LPIN2: variants seen among roughly 807,000 people sequenced by gnomAD.
LPIN2 encodes lipin 2.
LPIN2 carries 55 observed loss-of-function variants against 111.4 expected under a neutral mutation model. The ratio of observed to expected loss-of-function variants is 0.49; its 90% CI spans 0.40 to 0.62. LPIN2 has a LOEUF of 0.62. Ranked by LOEUF, LPIN2 falls within the 20% of genes least tolerant of loss-of-function variation. The pLI is 0.00. For synonymous variants in LPIN2, 425 were observed against 414.0 expected (o/e 1.03, Z -0.32); for missense variants, 992 against 1,112.1 (o/e 0.89, Z 1.54).
chr18:2,960,565 G>A (rs1403006617), intron 2 of LPIN2, 84 bp downstream of exon 2: 3 of 1,360,392 alleles, frequency 2.2e-6, no homozygotes, highest in African/African-American at 2.9e-5. Flanking sequence ...ATTCATAGAG[G>A]ATGACTTTTC....
At chr18:2,999,931 G>C (rs1011842717) in intron 1 of LPIN2, among the ~76,000 whole-genome samples, 18 of 152,072 alleles carry the variant, frequency 1.2e-4, no homozygotes, top group Admixed American at 3.3e-4. Flanking sequence ...GGTCTCACCT[G>C]TAATCCCAGC....
At chr18:2,953,984 A>G (rs2077575798) in intron 3 of LPIN2, among the ~76,000 whole-genome samples, 1 of 152,230 alleles carries the variant, frequency 6.6e-6, no homozygotes. Context: ...GAAGTCAAAC[A>G]TGTAATCACT....
chr18:2,976,264 T>C (rs938454731), intron 1 of LPIN2, among the ~76,000 whole-genome samples: 6 of 152,222 alleles, frequency 3.9e-5, no homozygotes, highest in African/African-American at 1.4e-4. Context: ...CTGTACCATA[T>C]TGTATCCTAG....
chr18:2,920,271 G>C lies in LPIN2; in HGVS notation c.*22C>G. The C allele has an allele frequency of 6.2e-7, 1 of 1,613,910 alleles. No homozygotes were observed. Among genetic ancestry groups the C allele is most frequent in the Non-Finnish European group, 8.5e-7 (1 of 1,179,990 alleles). On this transcript the variant is annotated 3_prime_UTR_variant, in exon 20 of 20. Coordinates refer to ENST00000677752, the MANE Select transcript of LPIN2 (RefSeq NM_001375808.2). ...GCTGTGGGGAGGGGGACCAAGCCCT[G>C]CCCACCCACTGAGGTGCCGCCTCAA... is the stretch of plus-strand genomic sequence containing the variant.
intron 4 of LPIN2, chr18:2,950,244 T>C (rs968739325): frequency 2.6e-5 from 4 of 152,238 alleles, no homozygotes; most frequent in African/African-American, 9.6e-5. Flanking sequence ...TGAAAGAAAT[T>C]ATTTCCCTCT....
At chr18:3,008,390 C>T (rs77815696) in intron 1 of LPIN2, among the ~76,000 whole-genome samples, 3,400 of 152,248 alleles carry the variant, frequency 0.022, 109 homozygotes, top group African/African-American at 0.077. Context: ...TGCAGTGAGC[C>T]GAGATTGCAC....
rs376661021 is a variant in LPIN2, at chr18:2,951,200, G to A, written c.445C>T (p.Pro149Ser). ...CGTTTTTTCTTTTTCACAGAACTTG[G>A]AGTAAAAATTGTCTCTGTTTCCAAG... ...HVLETETIFT[P>S]SSVKKKKRRR... The change falls in exon 4 of 20, where the codon CCA becomes TCA. Residue 149 changes from proline (P) to serine (S), a missense_variant. Pro to Ser is a moderately conservative substitution (Grantham distance 74). Coordinates refer to ENST00000677752, the MANE Select transcript of LPIN2 (RefSeq NM_001375808.2). 1 of 1,614,068 alleles carries A rather than the reference G, an allele frequency of 6.2e-7. No individual in the cohort carries two copies. The highest frequency in any genetic ancestry group is 1.1e-5 in the South Asian group (1 of 91,080).
At chr18:2,961,203 C>T (rs2077707346) in intron 1 of LPIN2, among the ~76,000 whole-genome samples, 2 of 152,236 alleles carry the variant, frequency 1.3e-5, no homozygotes, top group East Asian at 3.9e-4. Flanking sequence ...CTGCCCAAGA[C>T]CCTTTGGAAC....
In LPIN2 at chr18:2,917,964, C is replaced by A. The variant is rs1011048185; in HGVS notation, c.*2329G>T. 6.6e-6 allele frequency: 1 copy of A among 152,240 alleles called. No homozygotes were observed. Among genetic ancestry groups the A allele is most frequent in the African/African-American group, 2.4e-5 (1 of 41,464 alleles). The allele number at this position is 152,240 out of a possible 1,614,324, so 9.4% of individuals were successfully genotyped here. On this transcript the variant is annotated 3_prime_UTR_variant, in exon 20 of 20. Coordinates refer to ENST00000677752, the MANE Select transcript of LPIN2 (RefSeq NM_001375808.2). ...TGTGTACAAACACACTCGAGGGCAT[C>A]TCTTTCACAGAAAGAACAAATGTCA...
chr18:2,983,535 G>A (rs184530479), intron 1 of LPIN2, among the ~76,000 whole-genome samples: 1 of 152,238 alleles, frequency 6.6e-6, no homozygotes, highest in Admixed American at 6.5e-5. Flanking sequence ...TCTGAATTAA[G>A]ATACACTGTT....
intron 16 of LPIN2, among the ~76,000 whole-genome samples, chr18:2,923,417 T>C (rs1267154298): frequency 2.6e-5 from 1 of 39,006 alleles, no homozygotes. Context: ...CAAAACTCCA[T>C]CTCAAAAAAA....
chr18:2,926,524 A>C (rs893357189), intron 13 of LPIN2, among the ~76,000 whole-genome samples, 199 bp downstream of exon 13: 6 of 150,764 alleles, frequency 4.0e-5, no homozygotes, highest in Admixed American at 1.3e-4. Context: ...ACAAGGAGGC[A>C]GGGTATTTAT....
chr18:2,943,451 TG>T (rs2077396973), intron 4 of LPIN2, among the ~76,000 whole-genome samples: 2 of 150,998 alleles, frequency 1.3e-5, no homozygotes, highest in Non-Finnish European at 3.0e-5. Flanking sequence ...TGTGTGTGTG[TG>T]TGTGTGTATA....
At position 2,920,787 on chromosome 18, in the gene LPIN2, T is replaced by G. The variant is rs1251007885; in HGVS notation, c.2537A>C (p.Asn846Thr). 2 of 1,613,726 alleles carry G rather than the reference T, an allele frequency of 1.2e-6. No homozygotes were observed. The highest frequency in any genetic ancestry group is 4.5e-5 in the East Asian group (2 of 44,880). The change falls in exon 19 of 20, where the codon AAC (asparagine) becomes ACC (threonine). Residue 846 changes from asparagine (N) to threonine (T), a missense_variant. By Grantham distance (65) the Asn-to-Thr change is moderately conservative. Coordinates refer to ENST00000677752, the MANE Select transcript of LPIN2 (RefSeq NM_001375808.2). Reference sequence around the variant, plus strand: ...CTGAGAATGTACTTACGATGACTTGTTTCCTTTGGTTCTTTCTTGTATTAA... The same window carrying G: ...CTGAGAATGTACTTACGATGACTTGGTTCCTTTGGTTCTTTCTTGTATTAA... Reference protein sequence around the residue: ...GELIQERTKGNKSSYHRLSEL... With the variant: ...GELIQERTKGTKSSYHRLSEL...
chr18:2,953,062 T>C (rs929646974), intron 3 of LPIN2, among the ~76,000 whole-genome samples: 5 of 152,138 alleles, frequency 3.3e-5, no homozygotes, highest in African/African-American at 1.2e-4. Flanking sequence ...TGGCATAGAG[T>C]AGTAATTCCA....
intron 2 of LPIN2, among the ~76,000 whole-genome samples, chr18:2,960,304 A>C (rs2077692346): frequency 6.6e-6 from 1 of 151,526 alleles, no homozygotes; most frequent in African/African-American, 2.4e-5. Context: ...AGGTAAAGGA[A>C]ATTTTTCTTT....
chr18:2,938,852 T>C (rs1203253338), intron 6 of LPIN2, among the ~76,000 whole-genome samples: 1 of 152,150 alleles, frequency 6.6e-6, no homozygotes, highest in Non-Finnish European at 1.5e-5. Context: ...TAACAATTTC[T>C]TGTTTAAAAT....
At chr18:2,947,909 C>T (rs1003661942) in intron 4 of LPIN2, among the ~76,000 whole-genome samples, 12 of 152,212 alleles carry the variant, frequency 7.9e-5, no homozygotes, top group African/African-American at 2.9e-4. Flanking sequence ...AGTCTAGGTG[C>T]TGAGCTGAAA....
At chr18:2,964,929 T>A (rs1254252063) in intron 1 of LPIN2, among the ~76,000 whole-genome samples, 1 of 152,210 alleles carries the variant, frequency 6.6e-6, no homozygotes, top group Non-Finnish European at 1.5e-5. Flanking sequence ...ACTGATTGGG[T>A]CTACTCTGAC....
Sources: allele counts gnomAD v4.1 joint callset (sites outside exome capture counted in the v4.1 genomes callset), GRCh38; gene constraint gnomAD v4.1.1; transcripts MANE v1.5; gene names NCBI Gene and HGNC (gene_info 2026-07-23, HGNC 2026-07-21).